MEI4: variants seen among roughly 807,000 people sequenced by gnomAD.
MEI4 encodes meiosis-specific protein MEI4.
MEI4 carries 27 observed loss-of-function variants against 31.4 expected under a neutral mutation model. The ratio of observed to expected loss-of-function variants is 0.86; its 90% confidence interval spans 0.63 to 1.19. The LOEUF is 1.19. Ranked by LOEUF, MEI4 falls within the 50% of genes most tolerant of loss-of-function variation. The pLI, the probability that MEI4 is intolerant of heterozygous loss-of-function variation, is 0.00. For missense variants in MEI4, 329 were observed against 398.9 expected (o/e 0.82, Z 1.49); for synonymous variants, 122 against 145.4 (o/e 0.84, Z 1.16).
At chr6:77,667,633 C>G (rs992605211) in intron 1 of MEI4, among the ~76,000 whole-genome samples, 1 of 152,112 alleles carries the variant, frequency 6.6e-6, no homozygotes, top group African/African-American at 2.4e-5. Context: ...CCCCAAATGG[C>G]TATAGATACT....
At chr6:77,870,939 T>G (rs1239687748) in intron 4 of MEI4, among the ~76,000 whole-genome samples, 1 of 152,088 alleles carries the variant, frequency 6.6e-6, no homozygotes, top group Non-Finnish European at 1.5e-5. Flanking sequence ...TTGAGGGAGA[T>G]TTTCTGGTAA....
At chr6:77,752,335 G>C (rs895071964) in intron 2 of MEI4, among the ~76,000 whole-genome samples, 3 of 152,190 alleles carry the variant, frequency 2.0e-5, no homozygotes, top group African/African-American at 7.2e-5. Context: ...AATTGTCTCT[G>C]TTTGCAGATG....
chr6:77,789,579 C>T (rs1768854457), intron 3 of MEI4, among the ~76,000 whole-genome samples: 1 of 152,088 alleles, frequency 6.6e-6, no homozygotes, highest in Non-Finnish European at 1.5e-5. Flanking sequence ...ACAAACCCAT[C>T]AAAAAGTGGG....
chr6:77,872,221 G>A (rs1771212377), intron 4 of MEI4, among the ~76,000 whole-genome samples: 1 of 152,110 alleles, frequency 6.6e-6, no homozygotes, highest in South Asian at 2.1e-4. Context: ...TGGAAGAAAT[G>A]TGACTCTATC....
At chr6:77,743,952 A>C (rs1178296660) in intron 2 of MEI4, among the ~76,000 whole-genome samples, 2 of 152,208 alleles carry the variant, frequency 1.3e-5, no homozygotes, top group African/African-American at 4.8e-5. Flanking sequence ...GGACATCCAC[A>C]CCAAAAACCC....
At chr6:77,754,550 G>C (rs1767864533) in intron 2 of MEI4, among the ~76,000 whole-genome samples, 1 of 152,130 alleles carries the variant, frequency 6.6e-6, no homozygotes, top group South Asian at 2.1e-4. Flanking sequence ...ATCTCTGCCT[G>C]TTACCCAGTT....
intron 4 of MEI4, among the ~76,000 whole-genome samples, chr6:77,837,591 TAAAG>T (rs1391234367): frequency 3.3e-5 from 5 of 152,164 alleles, no homozygotes; most frequent in African/African-American, 1.2e-4. Flanking sequence ...CTTTTGTAAA[TAAAG>T]TTTTACTGGA....
chr6:77,877,348 A>C (rs886661028), intron 4 of MEI4, among the ~76,000 whole-genome samples: 1 of 152,020 alleles, frequency 6.6e-6, no homozygotes, highest in Non-Finnish European at 1.5e-5. Context: ...AACCCTTCAA[A>C]GTTGTGTTGA....
At chr6:77,754,209 A>T (rs746533906) in intron 2 of MEI4, among the ~76,000 whole-genome samples, 13 of 152,156 alleles carry the variant, frequency 8.5e-5, no homozygotes, top group Non-Finnish European at 1.8e-4. Flanking sequence ...TATGTAACAA[A>T]CCTGCATGTT....
At chr6:77,740,962 G>T (rs1767385296) in intron 2 of MEI4, among the ~76,000 whole-genome samples, 1 of 151,984 alleles carries the variant, frequency 6.6e-6, no homozygotes, top group South Asian at 2.1e-4. Context: ...CTTAAAACAG[G>T]TTAATGAGTA....
Position 77,850,437 on chromosome 6 carries a change from G to C in MEI4, c.900+21375G>C, listed in dbSNP as rs886182467. Among the ~76,000 whole-genome samples, 5 of 152,068 alleles carry C rather than the reference G, an allele frequency of 3.3e-5. No homozygotes were observed. In the South Asian group the frequency reaches 8.3e-4, roughly 25 times the overall value. Reference sequence around the variant, plus strand: ...AGCATGGTACTGGTACCAAAACAGAGATAGAGACCAATGGAACAGAACAGA... The same window carrying C: ...AGCATGGTACTGGTACCAAAACAGACATAGAGACCAATGGAACAGAACAGA... On this transcript the variant is annotated intron_variant, in intron 4 of 4. Coordinates refer to ENST00000684080, the MANE Select transcript of MEI4 (RefSeq NM_001322247.2).
At chr6:77,880,924 A>G (rs182464283) in intron 4 of MEI4, among the ~76,000 whole-genome samples, 2 of 152,066 alleles carry the variant, frequency 1.3e-5, no homozygotes, top group Non-Finnish European at 2.9e-5. Context: ...AGAAAATCAG[A>G]TATATTTTAT....
chr6:77,706,913 C>T (rs1194506357), intron 2 of MEI4, among the ~76,000 whole-genome samples: 1 of 152,092 alleles, frequency 6.6e-6, no homozygotes, highest in Non-Finnish European at 1.5e-5. Context: ...CCAAATAAAC[C>T]ACTTTATAAA....
At chr6:77,872,057 A>C (rs1378102665) in intron 4 of MEI4, among the ~76,000 whole-genome samples, 1 of 152,196 alleles carries the variant, frequency 6.6e-6, no homozygotes, top group Non-Finnish European at 1.5e-5. Context: ...TTAACATTAA[A>C]TTATAGTAAT....
At chr6:77,807,388 C>T (rs1009699974) in intron 3 of MEI4, among the ~76,000 whole-genome samples, 4 of 152,002 alleles carry the variant, frequency 2.6e-5, no homozygotes, top group Non-Finnish European at 4.4e-5. Context: ...TTACCAGTGG[C>T]CCTTATTTTA....
intron 1 of MEI4, among the ~76,000 whole-genome samples, chr6:77,680,522 C>G (rs1768937939): frequency 6.6e-6 from 1 of 152,028 alleles, no homozygotes; most frequent in East Asian, 1.9e-4. Context: ...TAACCTGCAA[C>G]AAGAGCTATA....
rs1165974958 is a variant in MEI4, at chr6:77,909,612, C to T, written c.901-13477C>T. Among the ~76,000 whole-genome samples the T allele has an allele frequency of 3.3e-5, 5 of 152,160 alleles. No homozygotes were observed. The South Asian group carries it at 6.2e-4, about 19-fold the overall frequency. On this transcript the variant is annotated intron_variant, in intron 4 of 4. Transcript: ENST00000684080. ...GTCCAGGACCAGATGGATTCACAGC[C>T]AAATTCTACCAGACGTACAAGGAGG...
chr6:77,746,644 T>A (rs1340735033), intron 2 of MEI4, among the ~76,000 whole-genome samples: 2 of 61,200 alleles, frequency 3.3e-5, no homozygotes, highest in Non-Finnish European at 5.4e-5. Flanking sequence ...ATGGCGTGTG[T>A]GTGTGTGTGT....
intron 3 of MEI4, among the ~76,000 whole-genome samples, chr6:77,821,799 C>CAA (rs34905460): frequency 0.015 from 1,359 of 92,178 alleles, 12 homozygotes; most frequent in Middle Eastern, 0.021. Flanking sequence ...GCCATCTCTC[C>CAA]AAAAAAAAAA....
Sources: allele counts gnomAD v4.1 joint callset (sites outside exome capture counted in the v4.1 genomes callset), GRCh38; gene constraint gnomAD v4.1.1; transcripts MANE v1.5; gene names NCBI Gene and HGNC (gene_info 2026-07-23, HGNC 2026-07-21).